The following LAMC3 variants were observed in gnomAD, a reference collection of about 807,000 sequenced individuals.
The protein encoded by LAMC3 is laminin subunit gamma-3.
LAMC3 carries 128 observed loss-of-function variants against 173.8 expected under a neutral mutation model. The observed-to-expected ratio is 0.74, with a 90% CI of 0.64 to 0.85. The LOEUF (loss-of-function observed/expected upper bound fraction) is 0.85. Among genes scored for constraint, LAMC3 ranks in the 40% least tolerant of loss-of-function variants. LAMC3 has a pLI of 0.00. For synonymous variants in LAMC3, 897 were observed against 909.1 expected (o/e 0.99, Z 0.24); for missense variants, 2,022 against 2,156.0 (o/e 0.94, Z 1.23).
chr9:131,047,661 G>A (rs937123194), intron 8 of LAMC3, among the ~76,000 whole-genome samples: 6 of 150,962 alleles, frequency 4.0e-5, no homozygotes, highest in Admixed American at 6.6e-5. Context: ...TCAAGAGTTC[G>A]AGACCAGCCT....
chr9:131,085,825 C>T (rs1830323076), intron 25 of LAMC3, 102 bp downstream of exon 25: 3 of 1,117,536 alleles, frequency 2.7e-6, no homozygotes, highest in Non-Finnish European at 4.0e-6. Flanking sequence ...TCCGCACTCA[C>T]TCACTGCTCA....
intron 1 of LAMC3, among the ~76,000 whole-genome samples, chr9:131,017,723 A>C (rs1457967350): frequency 8.1e-6 from 1 of 123,756 alleles, no homozygotes; most frequent in East Asian, 2.2e-4. Flanking sequence ...CTGTCTCAAA[A>C]AAAAAAAAAA....
At chr9:131,077,764 A>G (rs1830161101) in intron 22 of LAMC3, among the ~76,000 whole-genome samples, 1 of 149,514 alleles carries the variant, frequency 6.7e-6, no homozygotes, top group African/African-American at 2.5e-5. Flanking sequence ...GGCAGGTGAT[A>G]TGGCTCATTT....
At chr9:131,074,874 C>T (rs1256093337) in intron 20 of LAMC3, among the ~76,000 whole-genome samples, 1 of 152,144 alleles carries the variant, frequency 6.6e-6, no homozygotes, top group Non-Finnish European at 1.5e-5. Context: ...AGCCAGGATT[C>T]AAACCCAGGC....
Position 131,060,655 on chromosome 9 carries a change from T to C in LAMC3, c.2159-380T>C, listed in dbSNP as rs1829788179. The stretch of plus-strand genomic sequence containing the variant: ...GAGACTCTGTCTCAACTAATAATAA[T>C]AATAATAATAATAATAACAGCAGCG... On this transcript the variant is annotated intron_variant, in intron 12 of 27. Transcript: ENST00000361069. Among the ~76,000 whole-genome samples, 11 of 149,632 alleles carry C rather than the reference T, an allele frequency of 7.4e-5. No individual in the cohort carries two copies. In the South Asian group the frequency reaches 2.3e-3, roughly 31 times the overall value.
chr9:131,040,717 C>T (rs972490648), intron 6 of LAMC3, among the ~76,000 whole-genome samples: 2 of 152,094 alleles, frequency 1.3e-5, no homozygotes, highest in Non-Finnish European at 2.9e-5. Flanking sequence ...CAGCCTGTGG[C>T]TCACAGCCTC....
At chr9:131,032,673 G>GCTCTCT (rs1025373572) in intron 3 of LAMC3, among the ~76,000 whole-genome samples, 1 of 137,946 alleles carries the variant, frequency 7.2e-6, no homozygotes, top group Non-Finnish European at 1.6e-5. Context: ...ACTCTCTCTC[G>GCTCTCT]CTCTCTCTCT....
In LAMC3 at chr9:131,068,176, T is replaced by C; in HGVS notation, c.2692T>C (p.Cys898Arg). The C allele has an allele frequency of 6.2e-7, 1 of 1,613,210 alleles. No individual in the cohort carries two copies. Among genetic ancestry groups the C allele is most frequent in the Non-Finnish European group, 8.5e-7 (1 of 1,179,898 alleles). ...CCTGCCTCATGTGACTGCACGGGAC[T>C]GCAGCCGCTGCTACCCTGGCTTCTT... ...SCLPHVTARD[C>R]SRCYPGFFDL... The change falls in exon 15 of 28, where the codon TGC becomes CGC. Residue 898 changes from cysteine (C) to arginine (R), a missense_variant. Coordinates refer to ENST00000361069, the MANE Select transcript of LAMC3 (RefSeq NM_006059.4).
chr9:131,015,225 C>T (rs1481691765), intron 1 of LAMC3, among the ~76,000 whole-genome samples: 2 of 152,152 alleles, frequency 1.3e-5, no homozygotes, highest in African/African-American at 4.8e-5. Context: ...CACTGTGTTT[C>T]CTCGCTCAGA....
chr9:131,012,478 T>TG (rs1404606464), intron 1 of LAMC3, among the ~76,000 whole-genome samples: 8 of 152,222 alleles, frequency 5.3e-5, no homozygotes, highest in Non-Finnish European at 1.0e-4. Flanking sequence ...GAGGCTCCCT[T>TG]GCGGGGATTG....
intron 6 of LAMC3, among the ~76,000 whole-genome samples, chr9:131,039,463 C>T (rs892119062): frequency 4.0e-5 from 6 of 151,854 alleles, no homozygotes; most frequent in South Asian, 4.2e-4. Flanking sequence ...GGAAGCTCAG[C>T]GGATCTTGCA....
chr9:131,064,970 G>A (rs1228744270), intron 13 of LAMC3, among the ~76,000 whole-genome samples: 3 of 151,162 alleles, frequency 2.0e-5, no homozygotes, highest in Non-Finnish European at 4.4e-5. Flanking sequence ...GAACCCAGTA[G>A]GTGGGGCTTG....
At chr9:131,081,735 A>G (rs558334174) in intron 23 of LAMC3, among the ~76,000 whole-genome samples, 2 of 152,162 alleles carry the variant, frequency 1.3e-5, no homozygotes, top group South Asian at 2.1e-4. Flanking sequence ...TCGGCCTTCC[A>G]AAGTGTTGGG....
At chr9:131,012,063 A>ACACACG (rs1491562427) in intron 1 of LAMC3, among the ~76,000 whole-genome samples, 1 of 63,512 alleles carries the variant, frequency 1.6e-5, no homozygotes, top group Non-Finnish European at 3.3e-5. Context: ...ACACACACAT[A>ACACACG]CACACACACA....
chr9:131,032,568 T>TTGCTCTCTCTC (rs1564368442), intron 3 of LAMC3, among the ~76,000 whole-genome samples: 2 of 118,786 alleles, frequency 1.7e-5, no homozygotes, highest in Admixed American at 8.1e-5. Context: ...CTCTCTCTCT[T>TTGCTCTCTCTC]GCTCTCTCTC....
At chr9:131,059,356 G>A (rs1391993483) in intron 12 of LAMC3, among the ~76,000 whole-genome samples, 6 of 150,232 alleles carry the variant, frequency 4.0e-5, no homozygotes, top group Non-Finnish European at 8.9e-5. Flanking sequence ...GCCAGGCGTG[G>A]TGGCGGGTGC....
At chr9:131,025,485 G>T (rs953752238) in intron 1 of LAMC3, among the ~76,000 whole-genome samples, 3 of 152,110 alleles carry the variant, frequency 2.0e-5, no homozygotes, top group Non-Finnish European at 4.4e-5. Context: ...GGGGAGTGGG[G>T]CTAAAGCCCA....
chr9:131,062,597 A>G (rs1465407110), intron 13 of LAMC3, among the ~76,000 whole-genome samples: 1 of 151,462 alleles, frequency 6.6e-6, no homozygotes, highest in Admixed American at 6.6e-5. Context: ...GGCCAGGCGC[A>G]GTGGCTCATG....
rs933746408 is a variant in LAMC3, at chr9:131,029,889, T to G, written c.679-2156T>G. ...TAAAATCAACTCCAGCACCCACTCA[T>G]AGCTTAAGCTGGAGTTCCAGTGCCT... On this transcript the variant is annotated intron_variant, in intron 2 of 27. Coordinates refer to ENST00000361069, the MANE Select transcript of LAMC3 (RefSeq NM_006059.4). This position sits in a 1 kb window ranked among gnomAD's most constrained non-coding sequence, Gnocchi z 4.6. 6.6e-6 allele frequency among the ~76,000 whole-genome samples: 1 copy of G among 151,882 alleles called. No individual in the cohort carries two copies. Among genetic ancestry groups the G allele is most frequent in the Non-Finnish European group, 1.5e-5 (1 of 68,010 alleles).
Sources: gnomAD v4.1 joint callset for allele counts (sites outside exome capture counted in the v4.1 genomes callset) on GRCh38, gnomAD v4.1.1 for gene constraint, Gnocchi (gnomAD v3.1) non-coding constraint, MANE v1.5 for transcripts, NCBI Gene and HGNC (gene_info 2026-07-23, HGNC 2026-07-21) for gene names.